Variants in PAK3 observed in about 807,000 individuals in gnomAD.
PAK3 encodes the protein p21 (RAC1) activated kinase 3.
Under a neutral mutation model 41.0 loss-of-function variants are expected in PAK3, and 4 were observed. That is an observed-to-expected ratio of 0.10 (90% confidence interval 0.05 to 0.22). The LOEUF is 0.22. Ranked by LOEUF, PAK3 falls within the 10% of genes least tolerant of loss-of-function variation. The pLI, the probability that PAK3 is intolerant of heterozygous loss-of-function variation, is 1.00. For synonymous variants in PAK3, 146 were observed against 139.6 expected, an observed-to-expected ratio of 1.05 and a Z score of -0.32; for missense variants, 205 against 409.9, an observed-to-expected ratio of 0.50 and a Z score of 4.32.
At chrX:111,016,877 G>A (rs1431396290) in intron 1 of PAK3, among the ~76,000 whole-genome samples, 1 of 110,766 alleles carries the variant, frequency 9.0e-6, no homozygotes, top group Non-Finnish European at 1.9e-5. Flanking sequence ...GACTCTTGGA[G>A]ATAAATAGGA....
chrX:111,168,800 A>G (rs761363850), intron 10 of PAK3, among the ~76,000 whole-genome samples: 3 of 112,016 alleles, frequency 2.7e-5, no homozygotes, highest in African/African-American at 9.7e-5. Context: ...TTAGCAACTT[A>G]ATAGTTAAAC....
chrX:111,168,290 G>A (rs1167006080), intron 10 of PAK3, among the ~76,000 whole-genome samples: 2 of 111,564 alleles, frequency 1.8e-5, no homozygotes, highest in African/African-American at 6.5e-5. Flanking sequence ...TCTTCTTTAG[G>A]AAGTTCTGGT....
At chrX:111,024,140 T>G (rs1370202412) in intron 1 of PAK3, among the ~76,000 whole-genome samples, 1 of 112,189 alleles carries the variant, frequency 8.9e-6, no homozygotes, top group East Asian at 2.8e-4. Context: ...GCACCATTTA[T>G]TAAATAGGAA....
chrX:110,985,553 T>G (rs1326826057), intron 1 of PAK3, among the ~76,000 whole-genome samples: 2 of 112,413 alleles, frequency 1.8e-5, no homozygotes, highest in Non-Finnish European at 3.8e-5. Context: ...GAACCTCAGC[T>G]CAGCCTCATC....
chrX:111,152,641 A>T, intron 8 of PAK3, 194 bp downstream of exon 8: 1 of 354,184 alleles, frequency 2.8e-6, no homozygotes, highest in Non-Finnish European at 5.0e-6. Flanking sequence ...TACCTATGCT[A>T]CCATCACCAC....
At chrX:111,179,964 G>A (rs147430785) in intron 11 of PAK3, among the ~76,000 whole-genome samples, 7,338 of 110,088 alleles carry the variant, frequency 0.067, 626 homozygotes, top group African/African-American at 0.23. Context: ...CACCATGTTG[G>A]CCAGGCTGGT....
At chrX:111,150,674 C>A (rs934130303) in intron 7 of PAK3, among the ~76,000 whole-genome samples, 1 of 111,471 alleles carries the variant, frequency 9.0e-6, no homozygotes, top group Non-Finnish European at 1.9e-5. Flanking sequence ...CAATTACCTC[C>A]CACTGGGTCC....
At chrX:110,969,817 G>C (rs1395752479) in intron 1 of PAK3, among the ~76,000 whole-genome samples, 2 of 112,014 alleles carry the variant, frequency 1.8e-5, no homozygotes, top group African/African-American at 3.2e-5. Context: ...TTTTAGCTAT[G>C]CTAGGTCTTT....
At chrX:111,143,174 G>A (rs2093896633) in intron 6 of PAK3, among the ~76,000 whole-genome samples, 1 of 110,414 alleles carries the variant, frequency 9.1e-6, no homozygotes, top group Non-Finnish European at 1.9e-5. Context: ...TCAATTCTTG[G>A]GCTGTTAAAC....
intron 1 of PAK3, among the ~76,000 whole-genome samples, chrX:111,065,318 T>TG (rs2092693800): frequency 1.2e-4 from 1 of 8,025 alleles, no homozygotes; most frequent in Admixed American, 4.7e-3. Flanking sequence ...GATGATCACG[T>TG]TTTTTTTTTT....
At chrX:110,984,390 A>T (rs2091504615) in intron 1 of PAK3, among the ~76,000 whole-genome samples, 1 of 111,496 alleles carries the variant, frequency 9.0e-6, no homozygotes, top group Non-Finnish European at 1.9e-5. Context: ...ACACAAGTGG[A>T]CTCTATCCTA....
chrX:111,023,289 C>G, intron 1 of PAK3, among the ~76,000 whole-genome samples: 1 of 112,186 alleles, frequency 8.9e-6, no homozygotes, highest in Middle Eastern at 4.6e-3. Flanking sequence ...TCCAGTCTCT[C>G]ATTGATGGGC....
intron 1 of PAK3, among the ~76,000 whole-genome samples, chrX:111,041,520 T>C (rs1474375210): frequency 8.9e-6 from 1 of 112,103 alleles, no homozygotes; most frequent in African/African-American, 3.2e-5. Context: ...CCAGTATCTA[T>C]AGATCAAGTG....
intron 16 of PAK3, among the ~76,000 whole-genome samples, chrX:111,205,258 C>T (rs1471808515): frequency 1.8e-5 from 2 of 110,807 alleles, no homozygotes; most frequent in African/African-American, 3.3e-5. Context: ...GGATAGGGCT[C>T]TTGGTTCCAC....
intron 1 of PAK3, among the ~76,000 whole-genome samples, chrX:111,087,371 G>A (rs1455299476): frequency 1.8e-5 from 2 of 108,644 alleles, no homozygotes; most frequent in Non-Finnish European, 3.8e-5. Context: ...ACAAGTGGTC[G>A]TATCAAGTGA....
chrX:110,966,419 G>A (rs2091082748), intron 1 of PAK3, among the ~76,000 whole-genome samples: 1 of 110,558 alleles, frequency 9.0e-6, no homozygotes, highest in Non-Finnish European at 1.9e-5. Flanking sequence ...GTGAAAGAAA[G>A]GGAGGGACTC....
At chrX:111,143,307 A>G (rs759046441) in intron 6 of PAK3, among the ~76,000 whole-genome samples, 4 of 111,537 alleles carry the variant, frequency 3.6e-5, no homozygotes, top group Non-Finnish European at 5.7e-5. Context: ...GGAGAAGCAA[A>G]CAATGTTGCT....
chrX:111,211,540 G>A (rs1314106278), intron 16 of PAK3, among the ~76,000 whole-genome samples: 2 of 109,107 alleles, frequency 1.8e-5, no homozygotes, highest in Admixed American at 2.0e-4. Context: ...GCTGGGCATG[G>A]TGGTGGGCGC....
In PAK3 at chrX:110,985,722, C is replaced by T. The variant is rs185278298; in HGVS notation, c.-28+41094C>T. On this transcript the variant is annotated intron_variant, in intron 1 of 14. Coordinates refer to the PAK3 transcript ENST00000425146. ...AGCATGTGCTGGGCATTGCTCTAGG[C>T]TTTTTTCTCATTTAATCTCCACAGT... 2.0e-4 allele frequency among the ~76,000 whole-genome samples: 23 copies of T among 112,325 alleles called. No individual in the cohort carries two copies. The East Asian group carries it at 6.2e-3, about 30-fold the overall frequency.
Sources: gnomAD v4.1 joint callset for allele counts (sites outside exome capture counted in the v4.1 genomes callset) on GRCh38, gnomAD v4.1.1 for gene constraint, MANE v1.5 for transcripts, NCBI Gene and HGNC (gene_info 2026-07-23, HGNC 2026-07-21) for gene names.